Variants in AP3D1 observed in about 807,000 individuals in gnomAD.
AP3D1 encodes adaptor related protein complex 3 subunit delta 1, also known as AP-3 complex subunit delta-1.
A neutral mutation model predicts 147.6 loss-of-function variants in AP3D1; 51 were observed. The observed-to-expected ratio is 0.35, with a 90% confidence interval of 0.28 to 0.44. The LOEUF is 0.44. AP3D1 is among the 20% of genes least tolerant of loss of function. The pLI, the probability that AP3D1 is intolerant of heterozygous loss-of-function variation, is 1.00. For missense variants in AP3D1, 1,421 were observed against 1,624.2 expected, an observed-to-expected ratio of 0.87 and a Z score of 2.15; for synonymous variants, 760 against 663.0, an observed-to-expected ratio of 1.15 and a Z score of -2.25.
chr19:2,150,845 T>A (rs2019487552), intron 1 of AP3D1, among the ~76,000 whole-genome samples: 1 of 152,024 alleles, frequency 6.6e-6, no homozygotes. Context: ...CCCAGAGACC[T>A]CGCAAGTCTC....
intron 12 of AP3D1, 145 bp downstream of exon 12, chr19:2,121,589 G>C: frequency 8.3e-7 from 1 of 1,208,968 alleles, no homozygotes; most frequent in Non-Finnish European, 1.1e-6. Context: ...GACCAGGACT[G>C]GCGCCCCTCT....
Position 2,114,772 on chromosome 19 carries a change from C to T in AP3D1, c.2399G>A (p.Arg800Lys). The T allele has an allele frequency of 6.2e-7, 1 of 1,614,070 alleles. No individual in the cohort carries two copies. Among genetic ancestry groups the T allele is most frequent in the Non-Finnish European group, 8.5e-7 (1 of 1,179,954 alleles). The change falls in exon 21 of 32, where the codon AGG becomes AAG. Residue 800 changes from arginine (R) to lysine (K), a missense_variant. By Grantham distance (26) the Arg-to-Lys change is conservative. Around this residue, in one of 6 missense-constraint regions of AP3D1, gnomAD observed 791 missense variants for 761.4 expected, o/e 1.04. Transcript: ENST00000643116. ...EDDKDPNDPY[R>K]ALDIDLDKPL... is the part of the protein sequence containing the mutation. ...CTTATCCAGGTCAATATCCAGAGCC[C>T]TGTAGGGGTCGTTGGGGTCTTTGTC...
At chr19:2,109,355 T>A in intron 29 of AP3D1, 148 bp from the exon 30 acceptor site, 1 of 1,092,708 alleles carries the variant, frequency 9.2e-7, no homozygotes, top group Non-Finnish European at 1.3e-6. Context: ...CTGGAAGGTG[T>A]GGCTCATTTT....
intron 29 of AP3D1, 39 bp downstream of exon 29, chr19:2,109,834 G>C: frequency 6.3e-7 from 1 of 1,589,950 alleles, no homozygotes; most frequent in South Asian, 1.1e-5. Flanking sequence ...GGGAGGCGGA[G>C]GGGGTTCGGG....
upstream of AP3D1, among the ~76,000 whole-genome samples, chr19:2,151,827 G>T (rs549200846): frequency 5.9e-5 from 9 of 152,374 alleles, no homozygotes; most frequent in East Asian, 1.5e-3. Flanking sequence ...ACGCCCCTTA[G>T]AGGCTGGTCC....
upstream of AP3D1, among the ~76,000 whole-genome samples, chr19:2,153,946 A>AT (rs879565994): frequency 6.8e-3 from 507 of 74,456 alleles, 2 homozygotes; most frequent in Middle Eastern, 0.029. Flanking sequence ...CCCAGCCTGA[A>AT]TTTTTTTTTT....
At chr19:2,150,162 T>C (rs1467712183) in intron 1 of AP3D1, among the ~76,000 whole-genome samples, 2 of 152,136 alleles carry the variant, frequency 1.3e-5, no homozygotes, top group Non-Finnish European at 2.9e-5. Flanking sequence ...AGGAAGCAAG[T>C]CCCTTAACTT....
At chr19:2,122,570 C>A (rs1385800577) in intron 11 of AP3D1, among the ~76,000 whole-genome samples, 5 of 152,230 alleles carry the variant, frequency 3.3e-5, no homozygotes, top group African/African-American at 1.2e-4. Context: ...TTTTCTGACA[C>A]GTCTGTGCCT....
In AP3D1 at chr19:2,102,129, TG is replaced by T. The variant is rs2017970762; in HGVS notation, c.*43del. The T allele has an allele frequency of 1.3e-6, 2 of 1,519,140 alleles. No homozygotes were observed. Among genetic ancestry groups the T allele is most frequent in the South Asian group, 1.1e-5 (1 of 88,992 alleles). The allele number at this position is 1,519,140 out of a possible 1,614,324, so 94.1% of individuals were successfully genotyped here. ...CGAGACACGTCAGGGCTGCGGTCCC[TG>T]GGTACGTGCTCCGCGGGGTGGTGCG... is the stretch of plus-strand genomic sequence containing the variant. On this transcript the variant is annotated 3_prime_UTR_variant, in exon 32 of 32. Transcript: ENST00000643116.
Position 2,141,962 on chromosome 19 carries a change from T to G in AP3D1, c.97-3248A>C, listed in dbSNP as rs73512401. Among the ~76,000 whole-genome samples, 1,371 of 149,762 alleles carry G rather than the reference T, an allele frequency of 9.2e-3. 21 individuals are homozygous for G. The highest frequency in any genetic ancestry group is 0.031 in the African/African-American group (1,285 of 41,034). ...TATATATATTTATTTTTGCATATAT[T>G]TATGTATATACTTGTTTACATATAT... On this transcript the variant is annotated intron_variant, in intron 1 of 31. Coordinates refer to ENST00000643116, the MANE Select transcript of AP3D1 (RefSeq NM_001261826.3).
In AP3D1 at chr19:2,120,867, G is replaced by A; in HGVS notation, c.1476C>T (p.Phe492=). Residue 492 remains phenylalanine, a synonymous_variant, in exon 14 of 32, where the codon TTC becomes TTT. Coordinates refer to ENST00000643116, the MANE Select transcript of AP3D1 (RefSeq NM_001261826.3). ...GAGGCCCAGCGCCCACTCACTCTGAGAACTCCCCGCAGATCCAGGCGGCAG... is the reference window on the plus strand; with the variant it reads ...GAGGCCCAGCGCCCACTCACTCTGAAAACTCCCCGCAGATCCAGGCGGCAG... The part of the protein sequence containing the change: ...LYAAAWICGE[F]SEHLQEPHHT... 1.2e-6 allele frequency: 2 copies of A among 1,607,728 alleles called. No individual in the cohort carries two copies. Among genetic ancestry groups the A allele is most frequent in the Non-Finnish European group, 1.7e-6 (2 of 1,179,276 alleles).
Position 2,115,249 on chromosome 19 carries a change from C to A in AP3D1, c.2319G>T (p.Gln773His), listed in dbSNP as rs373353343. The A allele has an allele frequency of 1.2e-6, 2 of 1,613,528 alleles. No homozygotes were observed. The highest frequency in any genetic ancestry group is 1.3e-5 in the African/African-American group (1 of 75,062). ...ESDEDIAPAQ[Q>H]VDIVTEEMPE... ...GCATCTCCTCTGTGACGATGTCCAC[C>A]TGCTGGGCAGGGGCGATGTCCTCGT... Residue 773 changes from glutamine to histidine, a missense_variant, in exon 20 of 32, where the codon CAG (glutamine) becomes CAT (histidine). Physicochemically the swap from Gln to His is conservative, Grantham distance 24. Coordinates refer to ENST00000643116, the MANE Select transcript of AP3D1 (RefSeq NM_001261826.3).
chr19:2,140,755 C>CAT (rs2019198682), intron 1 of AP3D1, among the ~76,000 whole-genome samples: 1 of 107,196 alleles, frequency 9.3e-6, no homozygotes, highest in Admixed American at 1.1e-4. Context: ...ACACAAACGT[C>CAT]TTTTTTTTTT....
intron 1 of AP3D1, among the ~76,000 whole-genome samples, chr19:2,146,627 A>AG (rs2019364054): frequency 6.6e-6 from 1 of 150,802 alleles, no homozygotes; most frequent in African/African-American, 2.4e-5. Flanking sequence ...AAAAAAAAAA[A>AG]GCCGTACAAT....
chr19:2,115,055 C>T (rs1484440907), intron 20 of AP3D1, among the ~76,000 whole-genome samples, 164 bp downstream of exon 20: 5 of 152,186 alleles, frequency 3.3e-5, no homozygotes, highest in African/African-American at 4.8e-5. Flanking sequence ...TGCGTCGGGA[C>T]GCGTGCTCGA....
intron 18 of AP3D1, among the ~76,000 whole-genome samples, 184 bp downstream of exon 18, chr19:2,116,023 G>A (rs1370543605): frequency 1.3e-5 from 2 of 152,258 alleles, no homozygotes; most frequent in East Asian, 3.8e-4. Context: ...CCCGGCTGGA[G>A]GCTCGAATGA....
rs141124925 is a variant in AP3D1 at position 2,105,795 on chromosome 19, C to T, written c.3552+2892G>A. Among the ~76,000 whole-genome samples the T allele has an allele frequency of 1.8e-4, 27 of 152,280 alleles. 1 individual carries two copies. The South Asian group carries it at 3.3e-3, about 19-fold the overall frequency. ...AGATCAGCTCCAGCCGCCTCAGGCC[C>T]AGCAGAATGGCTGCCGTCAGCCGGG... is the stretch of plus-strand genomic sequence containing the variant. On this transcript the variant is annotated intron_variant, in intron 31 of 31. Coordinates refer to ENST00000643116, the MANE Select transcript of AP3D1 (RefSeq NM_001261826.3).
rs1451312367 is a variant in AP3D1 at position 2,129,016 on chromosome 19, C to T, written c.806+74G>A. ...GCTCCGACACTGCACCCCGTGGAGC[C>T]GGCCCGCCCCCGCCGCTCCGACACT... On this transcript the variant is annotated intron_variant, in intron 8 of 31. Transcript: ENST00000643116. The T allele has an allele frequency of 4.6e-5, 24 of 526,658 alleles. 3 individuals are homozygous for T. The highest frequency in any genetic ancestry group is 4.0e-4 in the Admixed American group (11 of 27,780). The allele number at this position is 526,658 out of a possible 1,614,324, so 32.6% of individuals were successfully genotyped here.
chr19:2,121,103 G>C lies in AP3D1; in HGVS notation c.1251-11C>G, dbSNP rs1028707593. The C allele has an allele frequency of 1.2e-6, 2 of 1,613,524 alleles. No individual in the cohort carries two copies. The highest frequency in any genetic ancestry group is 1.3e-5 in the African/African-American group (1 of 74,938). ...AGGATGCTGATGTACCTGTGGGGCA[G>C]AGGCGGTGAGTGAGCGGCGCCACGG... is the stretch of plus-strand genomic sequence containing the variant. On this transcript the variant is annotated splice_polypyrimidine_tract_variant and intron_variant, in intron 13 of 31. Transcript: ENST00000643116.
Sources: gnomAD v4.1 joint callset for allele counts (sites outside exome capture counted in the v4.1 genomes callset) on GRCh38, gnomAD v4.1.1 for gene constraint, gnomAD v4.1.1 regional missense constraint, MANE v1.5 for transcripts, NCBI Gene and HGNC (gene_info 2026-07-23, HGNC 2026-07-21) for gene names.